SEMA5A: variants seen among roughly 807,000 people sequenced by gnomAD.
SEMA5A encodes semaphorin-5A.
A neutral mutation model predicts 135.5 loss-of-function variants in SEMA5A; 55 were observed. That is an observed-to-expected ratio of 0.41 (90% confidence interval 0.33 to 0.51). SEMA5A has a LOEUF of 0.51. Ranked by LOEUF, SEMA5A falls within the 20% of genes least tolerant of loss-of-function variation. SEMA5A has a pLI of 0.37. For synonymous variants in SEMA5A, 580 were observed against 546.5 expected (o/e 1.06, Z -0.85); for missense variants, 1,290 against 1,419.9 (o/e 0.91, Z 1.47).
intron 5 of SEMA5A, among the ~76,000 whole-genome samples, chr5:9,294,786 C>A (rs1490196100): frequency 6.6e-6 from 1 of 152,176 alleles, no homozygotes; most frequent in African/African-American, 2.4e-5. Context: ...TTCACATCTA[C>A]CTGATTCAAC....
intron 16 of SEMA5A, among the ~76,000 whole-genome samples, chr5:9,087,612 T>G (rs1561139674): frequency 6.6e-6 from 1 of 152,010 alleles, no homozygotes; most frequent in African/African-American, 2.4e-5. Flanking sequence ...TTTCTGGCTG[T>G]AAAAATCATT....
chr5:9,541,320 T>C (rs1406639695), intron 1 of SEMA5A, among the ~76,000 whole-genome samples: 1 of 152,206 alleles, frequency 6.6e-6, no homozygotes, highest in African/African-American at 2.4e-5. Flanking sequence ...AAATGTAACA[T>C]AAAATAACAT....
rs1355113816 is a variant in SEMA5A at position 9,545,315 on chromosome 5, C to T, written c.-175+269G>A. On this transcript the variant is annotated intron_variant, in intron 1 of 22. Transcript: ENST00000382496. This position sits in a 1 kb window ranked among gnomAD's most constrained non-coding sequence, Gnocchi z 4.5. ...CCCACCGCGACACTCCGGCTCCTTA[C>T]CTCTCCATGCTCAGACCTCGGCACA... 6.6e-6 allele frequency among the ~76,000 whole-genome samples: 1 copy of T among 152,180 alleles called. No individual in the cohort carries two copies. The highest frequency in any genetic ancestry group is 1.5e-5 in the Non-Finnish European group (1 of 68,026).
At position 9,052,048 on chromosome 5, in the gene SEMA5A, G is replaced by A. The variant is rs1270395047; in HGVS notation, c.2690-20C>T. On this transcript the variant is annotated intron_variant, in intron 19 of 22. Coordinates refer to ENST00000382496, the MANE Select transcript of SEMA5A (RefSeq NM_003966.3). ...AGCTCTCTGCAGAGACCAGAAAAGGGGAGATGGGGCGGAATGGCCAGTAAG... is the reference window on the plus strand; with the variant it reads ...AGCTCTCTGCAGAGACCAGAAAAGGAGAGATGGGGCGGAATGGCCAGTAAG... 6.4e-7 allele frequency: 1 copy of A among 1,559,026 alleles called. No homozygotes were observed. Among genetic ancestry groups the A allele is most frequent in the Non-Finnish European group, 8.7e-7 (1 of 1,151,220 alleles).
At chr5:9,323,445 T>A (rs1445569216) in intron 4 of SEMA5A, among the ~76,000 whole-genome samples, 1 of 151,744 alleles carries the variant, frequency 6.6e-6, no homozygotes, top group Non-Finnish European at 1.5e-5. Context: ...ATGTAATAAG[T>A]ACTTATGTAT....
chr5:9,521,611 G>T (rs1736837600), intron 1 of SEMA5A, among the ~76,000 whole-genome samples: 1 of 152,162 alleles, frequency 6.6e-6, no homozygotes, highest in Admixed American at 6.5e-5. Flanking sequence ...AGCGGTTTAT[G>T]AAATCTGCTG....
chr5:9,448,325 G>A (rs931014895), intron 1 of SEMA5A, among the ~76,000 whole-genome samples: 3 of 152,190 alleles, frequency 2.0e-5, no homozygotes, highest in Non-Finnish European at 4.4e-5. Context: ...GAACTAAATG[G>A]GAAGGAAACA....
At chr5:9,370,317 C>T (rs1038196514) in intron 3 of SEMA5A, among the ~76,000 whole-genome samples, 4 of 152,234 alleles carry the variant, frequency 2.6e-5, no homozygotes, top group African/African-American at 9.6e-5. Flanking sequence ...CTCTAAGGCA[C>T]ACCCAGACAT....
At chr5:9,170,469 A>C (rs966721804) in intron 11 of SEMA5A, among the ~76,000 whole-genome samples, 1 of 152,110 alleles carries the variant, frequency 6.6e-6, no homozygotes. Context: ...AAATAGGCTG[A>C]ATATTTGTGC....
chr5:9,510,139 C>A (rs1736125770), intron 1 of SEMA5A, among the ~76,000 whole-genome samples: 1 of 152,158 alleles, frequency 6.6e-6, no homozygotes, highest in Admixed American at 6.5e-5. Context: ...AAAGCCATGC[C>A]ATTTTAACTC....
At chr5:9,479,374 A>C (rs867779149) in intron 1 of SEMA5A, among the ~76,000 whole-genome samples, 1 of 141,910 alleles carries the variant, frequency 7.0e-6, no homozygotes, top group Non-Finnish European at 1.5e-5. Flanking sequence ...ACCTAGTGTG[A>C]CCATGTCTAT....
At chr5:9,541,575 CA>C (rs752990917) in intron 1 of SEMA5A, among the ~76,000 whole-genome samples, 1 of 152,092 alleles carries the variant, frequency 6.6e-6, no homozygotes, top group Non-Finnish European at 1.5e-5. Flanking sequence ...AGTTTAAAAA[CA>C]GAATGATTTT....
intron 11 of SEMA5A, among the ~76,000 whole-genome samples, chr5:9,156,112 G>A (rs905618466): frequency 1.2e-4 from 18 of 152,302 alleles, no homozygotes; most frequent in South Asian, 2.1e-4. Context: ...AAGAGAGAAC[G>A]AGAGAGGGAA....
intron 1 of SEMA5A, among the ~76,000 whole-genome samples, chr5:9,444,422 T>A (rs186442910): frequency 2.0e-5 from 3 of 152,340 alleles, no homozygotes; most frequent in East Asian, 3.9e-4. Flanking sequence ...CTCCCACTTA[T>A]GAATAAGAAT....
chr5:9,351,385 G>A (rs1579392593), intron 3 of SEMA5A, among the ~76,000 whole-genome samples: 1 of 152,020 alleles, frequency 6.6e-6, no homozygotes, highest in Non-Finnish European at 1.5e-5. Context: ...ATAGATATGT[G>A]GCTAGAAACT....
intron 12 of SEMA5A, among the ~76,000 whole-genome samples, chr5:9,138,216 A>G (rs550645393): frequency 2.0e-5 from 3 of 152,338 alleles, no homozygotes; most frequent in East Asian, 1.9e-4. Context: ...CCATTCAAAA[A>G]TACAAACAAG....
chr5:9,394,335 T>C (rs926914338), intron 2 of SEMA5A, among the ~76,000 whole-genome samples: 3 of 152,124 alleles, frequency 2.0e-5, no homozygotes, highest in Non-Finnish European at 4.4e-5. Context: ...CCATTTACCA[T>C]GTGAGAAGCA....
intron 8 of SEMA5A, among the ~76,000 whole-genome samples, chr5:9,205,659 A>C (rs868209467): frequency 2.0e-5 from 3 of 152,212 alleles, no homozygotes; most frequent in Admixed American, 1.3e-4. Context: ...GCTCAAATAC[A>C]TGTTTTCCTT....
At chr5:9,481,379 C>G (rs954022012) in intron 1 of SEMA5A, among the ~76,000 whole-genome samples, 1 of 152,112 alleles carries the variant, frequency 6.6e-6, no homozygotes, top group Non-Finnish European at 1.5e-5. Context: ...TTATTTTGGT[C>G]TAGATCACAA....
Sources: gnomAD v4.1 joint callset for allele counts (sites outside exome capture counted in the v4.1 genomes callset) on GRCh38, gnomAD v4.1.1 for gene constraint, Gnocchi (gnomAD v3.1) non-coding constraint, MANE v1.5 for transcripts, NCBI Gene and HGNC (gene_info 2026-07-23, HGNC 2026-07-21) for gene names.